The following CC2D2B variants were observed in gnomAD, a reference collection of about 807,000 sequenced individuals.
CC2D2B encodes coiled-coil and C2 domain containing 2B, also known as protein CC2D2B.
Under a neutral mutation model 161.2 loss-of-function variants are expected in CC2D2B, and 128 were observed. The ratio of observed to expected loss-of-function variants is 0.79; its 90% confidence interval spans 0.69 to 0.92. The LOEUF (loss-of-function observed/expected upper bound fraction) is 0.92. Ranked by LOEUF, CC2D2B falls within the 40% of genes least tolerant of loss-of-function variation. The pLI, the probability that CC2D2B is intolerant of heterozygous loss-of-function variation, is 0.00. For synonymous variants in CC2D2B, 391 were observed against 449.8 expected, an observed-to-expected ratio of 0.87 and a Z score of 1.65; for missense variants, 1,173 against 1,375.1, an observed-to-expected ratio of 0.85 and a Z score of 2.32.
At chr10:95,910,707 C>T (rs1310155220) in intron 1 of CC2D2B, among the ~76,000 whole-genome samples, 2 of 152,182 alleles carry the variant, frequency 1.3e-5, no homozygotes, top group South Asian at 4.2e-4. Flanking sequence ...AATTTCCCTG[C>T]CTCCATAGAA....
intron 32 of CC2D2B, among the ~76,000 whole-genome samples, chr10:96,021,799 G>C (rs567099078): frequency 8.5e-5 from 13 of 152,302 alleles, no homozygotes; most frequent in Admixed American, 4.6e-4. Context: ...GCAGTATACA[G>C]AGTACTTCAA....
intron 24 of CC2D2B, among the ~76,000 whole-genome samples, chr10:95,996,998 C>A (rs2078255881): frequency 6.6e-6 from 1 of 152,194 alleles, no homozygotes; most frequent in East Asian, 1.9e-4. Context: ...TCCCTTCCAC[C>A]TTCCACTATG....
intron 32 of CC2D2B, among the ~76,000 whole-genome samples, chr10:96,024,365 GAAT>G (rs1474020790): frequency 6.6e-6 from 1 of 152,214 alleles, no homozygotes; most frequent in Non-Finnish European, 1.5e-5. Context: ...AACCATGTTA[GAAT>G]AATAATATCT....
rs951735001 is a variant in CC2D2B, at chr10:95,965,930, A to G, written c.1285A>G (p.Ile429Val). Residue 429 changes from isoleucine to valine, a missense_variant, in exon 13 of 35, where the codon ATC (isoleucine) becomes GTC (valine). Ile to Val is a conservative substitution (Grantham distance 29, BLOSUM62 3). This residue lies in a region of CC2D2B where 277 missense variants were observed against 420.6 expected (regional missense o/e 0.66). Coordinates refer to ENST00000646931, the MANE Select transcript of CC2D2B (RefSeq NM_001349008.3). ...GAATAAATGTGATGAACAAGAGCAA[A>G]TCTCAGAAATGTCTGAAACTGAGAA... ...KMNKCDEQEQ[I>V]SEMSETEKKN... 8.2e-7 allele frequency: 1 copy of G among 1,214,586 alleles called. No homozygotes were observed. The highest frequency in any genetic ancestry group is 1.0e-6 in the Non-Finnish European group (1 of 972,330). The allele number at this position is 1,214,586 out of a possible 1,614,324, so 75.2% of individuals were successfully genotyped here. A position where few individuals can be genotyped will look rare whatever the true frequency, so the allele number is the denominator to read the frequency against.
At position 95,982,279 on chromosome 10, in the gene CC2D2B, T is replaced by TA. The variant is rs1471675727; in HGVS notation, c.2082+169dup. ...CATTTTCAACCAGTGTACAATACTG[T>TA]AAAGACAATTAGAAACTCAGCAACT... On this transcript the variant is annotated intron_variant, in intron 18 of 34. Coordinates refer to ENST00000646931, the MANE Select transcript of CC2D2B (RefSeq NM_001349008.3). Among the ~76,000 whole-genome samples the TA allele has an allele frequency of 1.8e-4, 28 of 152,278 alleles. No individual in the cohort carries two copies. In the East Asian group the frequency reaches 5.2e-3, roughly 28 times the overall value.
At chr10:95,956,539 T>A (rs4918981) in intron 11 of CC2D2B, among the ~76,000 whole-genome samples, 90,461 of 151,954 alleles carry the variant, frequency 0.6, 27,546 homozygotes, top group African/African-American at 0.67. Context: ...AATGAAAATT[T>A]AAAAATTCAG....
rs527250638 is a variant in CC2D2B, at chr10:95,964,371, T to C, written c.1251-1525T>C. Among the ~76,000 whole-genome samples, 329 of 152,290 alleles carry C rather than the reference T, an allele frequency of 2.2e-3. 1 individual carries two copies. The highest frequency in any genetic ancestry group is 7.5e-3 in the African/African-American group (310 of 41,568). On this transcript the variant is annotated intron_variant, in intron 12 of 34. Coordinates refer to ENST00000646931, the MANE Select transcript of CC2D2B (RefSeq NM_001349008.3). ...GAATTTCTAAAAATGACTGTTCTAATTTAATTAGTATGGGGTATGGTCTGG... is the reference window on the plus strand; with the variant it reads ...GAATTTCTAAAAATGACTGTTCTAACTTAATTAGTATGGGGTATGGTCTGG...
chr10:95,936,438 G>T (rs1390121578), intron 6 of CC2D2B, among the ~76,000 whole-genome samples: 1 of 152,144 alleles, frequency 6.6e-6, no homozygotes, highest in Non-Finnish European at 1.5e-5. Context: ...CTTTCAGAAG[G>T]TTCTGCTTGT....
chr10:95,945,678 A>C (rs975966047), intron 9 of CC2D2B, among the ~76,000 whole-genome samples: 1 of 151,208 alleles, frequency 6.6e-6, no homozygotes, highest in African/African-American at 2.4e-5. Context: ...ACACTTACCT[A>C]GTTCTAGAAG....
At chr10:96,012,059 T>C in intron 26 of CC2D2B, 126 bp from the exon 27 acceptor site, 1 of 519,010 alleles carries the variant, frequency 1.9e-6, no homozygotes, top group Non-Finnish European at 3.4e-6. Flanking sequence ...CAAGTGCAAA[T>C]GAGTAGAAGC....
intron 2 of CC2D2B, chr10:95,920,993 T>G (rs973848757): frequency 6.6e-6 from 1 of 152,638 alleles, no homozygotes; most frequent in Non-Finnish European, 1.5e-5. Flanking sequence ...GGAGGGGTGA[T>G]GCAAGCACTC....
intron 5 of CC2D2B, among the ~76,000 whole-genome samples, chr10:95,925,772 A>G (rs900271104): frequency 3.9e-5 from 6 of 152,186 alleles, no homozygotes; most frequent in African/African-American, 1.4e-4. Flanking sequence ...CCAATGGCAA[A>G]GCTGTAGTTT....
rs746351529 is a variant in CC2D2B, at chr10:96,019,351, G to GA, written c.3765+22dup. On this transcript the variant is annotated intron_variant, in intron 31 of 34. Transcript: ENST00000646931. ...GATGATAGAAATGTAAGTATATGGG[G>GA]AAAAAAAATCTTGAGTTATCTCCTC... is the stretch of plus-strand genomic sequence containing the variant. The GA allele has an allele frequency of 1.6e-5, 25 of 1,593,484 alleles. No homozygotes were observed. Among genetic ancestry groups the GA allele is most frequent in the African/African-American group, 1.5e-4 (11 of 73,438 alleles).
chr10:95,926,815 AGTGTGTGTGTGT>A (rs71486778), intron 5 of CC2D2B, among the ~76,000 whole-genome samples: 101 of 134,944 alleles, frequency 7.5e-4, no homozygotes, highest in Non-Finnish European at 1.1e-3. Context: ...CTGAGGTGGC[AGTGTGTGTGTGT>A]GTGTGTGTGT....
chr10:96,016,919 A>C (rs966242884), intron 30 of CC2D2B, among the ~76,000 whole-genome samples: 1 of 152,030 alleles, frequency 6.6e-6, no homozygotes, highest in Non-Finnish European at 1.5e-5. Flanking sequence ...GGGTTTCATC[A>C]TGTTGGCCAG....
chr10:95,925,493 T>A (rs1272644601), intron 5 of CC2D2B, among the ~76,000 whole-genome samples: 1 of 152,230 alleles, frequency 6.6e-6, no homozygotes, highest in African/African-American at 2.4e-5. Context: ...CAGATTTTAA[T>A]CCAACTTACA....
chr10:96,024,351 G>A (rs2079599651), intron 32 of CC2D2B, among the ~76,000 whole-genome samples: 1 of 152,186 alleles, frequency 6.6e-6, no homozygotes, highest in South Asian at 2.1e-4. Context: ...GAAGGAAGAT[G>A]ATCAACCATG....
chr10:96,019,421 A>C, intron 31 of CC2D2B, 84 bp downstream of exon 31: 1 of 1,301,546 alleles, frequency 7.7e-7, no homozygotes, highest in East Asian at 2.4e-5. Flanking sequence ...GGGAACTTTA[A>C]ATATAGATAG....
chr10:96,031,327 AC>A (rs1449117028), intron 34 of CC2D2B, among the ~76,000 whole-genome samples: 5 of 152,158 alleles, frequency 3.3e-5, no homozygotes, highest in African/African-American at 1.2e-4. Context: ...CTAAGCAATT[AC>A]AGTGTGAAAG....
Sources: allele counts gnomAD v4.1 joint callset (sites outside exome capture counted in the v4.1 genomes callset), GRCh38; gene constraint gnomAD v4.1.1; regional missense constraint gnomAD v4.1.1; transcripts MANE v1.5; gene names NCBI Gene and HGNC (gene_info 2026-07-23, HGNC 2026-07-21).